The following SLC26A5 variants were observed in gnomAD, a reference collection of about 807,000 sequenced individuals.
The protein encoded by SLC26A5 is solute carrier family 26 member 5, also known as prestin.
A neutral mutation model predicts 81.0 loss-of-function variants in SLC26A5; 51 were observed. That is an observed-to-expected ratio of 0.63 (90% confidence interval 0.50 to 0.80). The LOEUF (loss-of-function observed/expected upper bound fraction) is 0.80. SLC26A5 is among the 30% of genes least tolerant of loss of function. The pLI, the probability that SLC26A5 is intolerant of heterozygous loss-of-function variation, is 0.00. For synonymous variants in SLC26A5, 325 were observed against 332.8 expected, an observed-to-expected ratio of 0.98 and a Z score of 0.25; for missense variants, 771 against 905.8, an observed-to-expected ratio of 0.85 and a Z score of 1.91.
chr7:103,389,447 T>G, intron 12 of SLC26A5, 23 bp from the exon 13 acceptor site: 1 of 1,559,248 alleles, frequency 6.4e-7, no homozygotes, highest in South Asian at 1.1e-5. Context: ...ACATCCCCCA[T>G]GCCTCTCCTC....
intron 19 of SLC26A5, chr7:103,363,492 G>A: frequency 1.3e-6 from 2 of 1,483,150 alleles, no homozygotes; most frequent in Non-Finnish European, 1.9e-6. Context: ...TGTCTTTTGT[G>A]TATTGAGCAC....
intron 19 of SLC26A5, chr7:103,368,218 A>G (rs1397519699): frequency 2.2e-5 from 15 of 674,776 alleles, no homozygotes; most frequent in Non-Finnish European, 3.2e-5. Context: ...TATTAGGCAG[A>G]AAAGCTTGTT....
chr7:103,381,618 TACAC>T (rs894423677), intron 14 of SLC26A5, among the ~76,000 whole-genome samples: 4 of 145,514 alleles, frequency 2.7e-5, no homozygotes, highest in African/African-American at 1.0e-4. Flanking sequence ...CAATATACAA[TACAC>T]ACACCACACA....
chr7:103,377,562 T>C (rs1821444036), intron 18 of SLC26A5, 37 bp downstream of exon 18: 3 of 1,558,368 alleles, frequency 1.9e-6, no homozygotes, highest in East Asian at 4.5e-5. Context: ...ACACCAGGCA[T>C]AGAGGTATTA....
chr7:103,382,767 A>G (rs1383265878), intron 14 of SLC26A5, among the ~76,000 whole-genome samples: 1 of 150,278 alleles, frequency 6.7e-6, no homozygotes, highest in Non-Finnish European at 1.5e-5. Context: ...GCTGCTGGGC[A>G]CATTAATAAT....
intron 19 of SLC26A5, chr7:103,355,606 C>G (rs1819988788): frequency 1.0e-6 from 1 of 981,766 alleles, no homozygotes; most frequent in African/African-American, 1.6e-5. Flanking sequence ...TGATTCAGTG[C>G]AAAATATCAG....
rs764978809 is a variant in SLC26A5 at position 103,411,519 on chromosome 7, G to A, written c.471C>T (p.Val157=). The change falls in exon 6 of 20, where the codon GTC becomes GTT. Residue 157 remains valine (V), a synonymous_variant. Transcript: ENST00000306312. The part of the protein sequence containing the change: ...VAVRLVPDDI[V]IPGGVNATNG... ...TGGTTGCATTTACTCCTCCTGGAAT[G>A]ACTATATCATCTGGTACTAATCGAA... is the stretch of plus-strand genomic sequence containing the variant. 4.0e-5 allele frequency: 65 copies of A among 1,614,162 alleles called. No individual in the cohort carries two copies. The South Asian group carries it at 6.6e-4, about 16-fold the overall frequency.
chr7:103,411,292 A>C, intron 6 of SLC26A5, 128 bp downstream of exon 6: 1 of 1,019,102 alleles, frequency 9.8e-7, no homozygotes, highest in Non-Finnish European at 1.5e-6. Context: ...GTCTGCAGTT[A>C]CTCCCAGAGC....
At chr7:103,380,185 C>A (rs985957441) in intron 15 of SLC26A5, among the ~76,000 whole-genome samples, 1 of 152,040 alleles carries the variant, frequency 6.6e-6, no homozygotes, top group Non-Finnish European at 1.5e-5. Flanking sequence ...CAGAAAAAAA[C>A]CATGCACACA....
intron 5 of SLC26A5, among the ~76,000 whole-genome samples, chr7:103,411,908 C>T (rs185430624): frequency 2.0e-5 from 3 of 152,310 alleles, no homozygotes; most frequent in Non-Finnish European, 4.4e-5. Context: ...CAAAAGAATG[C>T]AGCAGAAGTG....
rs369823547 is a variant in SLC26A5 at position 103,354,900 on chromosome 7, A to T, written c.2042-1974T>A. 3 of 1,613,618 alleles carry T rather than the reference A, an allele frequency of 1.9e-6. No homozygotes were observed. In the Admixed American group the frequency reaches 5.0e-5, roughly 27 times the overall value. On this transcript the variant is annotated intron_variant, in intron 19 of 19. Coordinates refer to the SLC26A5 transcript ENST00000339444. Reference sequence around the variant, plus strand: ...GCACTTACTCTAGGCAGATCAAGCAAGTTGAAGATGACATTCAGCAACTTC... The same window carrying T: ...GCACTTACTCTAGGCAGATCAAGCATGTTGAAGATGACATTCAGCAACTTC...
intron 2 of SLC26A5, among the ~76,000 whole-genome samples, chr7:103,432,586 T>A (rs1034659503): frequency 6.6e-6 from 1 of 152,208 alleles, no homozygotes; most frequent in Admixed American, 6.5e-5. Context: ...TAGTGTTGCA[T>A]TTTCCCTTTT....
intron 2 of SLC26A5, among the ~76,000 whole-genome samples, chr7:103,429,996 C>A (rs1443451746): frequency 6.6e-6 from 1 of 151,942 alleles, no homozygotes; most frequent in African/African-American, 2.4e-5. Flanking sequence ...CCAAAGGACT[C>A]TTACACGTTA....
At chr7:103,408,709 AATT>A (rs955029341) in intron 7 of SLC26A5, among the ~76,000 whole-genome samples, 3 of 152,208 alleles carry the variant, frequency 2.0e-5, no homozygotes, top group African/African-American at 7.2e-5. Context: ...AAGAGAGAGA[AATT>A]ATTGTTAGCA....
At chr7:103,415,896 C>G (rs1176712901) in intron 4 of SLC26A5, among the ~76,000 whole-genome samples, 1 of 152,094 alleles carries the variant, frequency 6.6e-6, no homozygotes, top group Non-Finnish European at 1.5e-5. Flanking sequence ...TCTCTTCTTT[C>G]TTTCTGGAAG....
intron 19 of SLC26A5, among the ~76,000 whole-genome samples, chr7:103,356,500 A>G (rs983637406): frequency 6.6e-6 from 1 of 152,212 alleles, no homozygotes. Context: ...AATGTAAGAT[A>G]CGCAGTTTTC....
intron 2 of SLC26A5, among the ~76,000 whole-genome samples, chr7:103,438,763 T>C (rs930380186): frequency 7.2e-5 from 11 of 152,202 alleles, no homozygotes; most frequent in African/African-American, 2.7e-4. Flanking sequence ...ATCTAGAAAT[T>C]TCCCTTCTGT....
chr7:103,443,851 T>C (rs1291153013), intron 1 of SLC26A5, among the ~76,000 whole-genome samples: 1 of 152,228 alleles, frequency 6.6e-6, no homozygotes, highest in Non-Finnish European at 1.5e-5. Context: ...CGTTCTGAAG[T>C]GAGCTTTCAT....
At chr7:103,390,112 T>A (rs781036424) in intron 12 of SLC26A5, among the ~76,000 whole-genome samples, 1 of 152,124 alleles carries the variant, frequency 6.6e-6, no homozygotes, top group African/African-American at 2.4e-5. Context: ...ATGTAGACCA[T>A]CTCAGGTTTT....
Sources: allele counts gnomAD v4.1 joint callset (sites outside exome capture counted in the v4.1 genomes callset), GRCh38; gene constraint gnomAD v4.1.1; transcripts MANE v1.5; gene names NCBI Gene and HGNC (gene_info 2026-07-23, HGNC 2026-07-21).